XXYLT1: variants seen among roughly 807,000 people sequenced by gnomAD.
XXYLT1 encodes xyloside xylosyltransferase 1.
A neutral mutation model predicts 28.9 loss-of-function variants in XXYLT1; 20 were observed. That is an observed-to-expected ratio of 0.69 (90% CI 0.49 to 1.00). The LOEUF (loss-of-function observed/expected upper bound fraction) is 1.00, where lower values mean the gene tolerates loss of function less well. XXYLT1 is among the 50% of genes least tolerant of loss of function. The pLI is 0.00. For missense variants in XXYLT1, 542 were observed against 560.1 expected (o/e 0.97, Z 0.33); for synonymous variants, 257 against 253.8 (o/e 1.01, Z -0.12).
At chr3:195,122,060 C>T (rs1718386386) in intron 3 of XXYLT1, 1 of 702,912 alleles carries the variant, frequency 1.4e-6, no homozygotes, top group Non-Finnish European at 2.6e-6. Context: ...GACCAACGTG[C>T]CCACTGATTC....
intron 3 of XXYLT1, among the ~76,000 whole-genome samples, chr3:195,126,461 A>C (rs1267832865): frequency 6.6e-6 from 1 of 152,204 alleles, no homozygotes; most frequent in African/African-American, 2.4e-5. Context: ...AGAGCATTGT[A>C]CCAAGCACTG....
chr3:195,202,377 C>A (rs866016702), intron 2 of XXYLT1, among the ~76,000 whole-genome samples: 11 of 129,316 alleles, frequency 8.5e-5, no homozygotes, highest in South Asian at 2.7e-4. Context: ...GCAATATTAT[C>A]TTAAAGAGAC....
intron 1 of XXYLT1, among the ~76,000 whole-genome samples, chr3:195,261,015 C>T (rs1344061322): frequency 6.6e-6 from 1 of 152,224 alleles, no homozygotes; most frequent in Non-Finnish European, 1.5e-5. Flanking sequence ...TAGCGGGGTC[C>T]TGAAGTGCCT....
rs1265838027 is a variant in XXYLT1 at position 195,077,714 on chromosome 3, C to T, written c.786-7603G>A. ...ACCTGGTGCAGGGCAGCCCTTCAGC[C>T]CCCTGCAGGCGTCCGTTTCTCCAGA... On this transcript the variant is annotated intron_variant, in intron 3 of 3. Transcript: ENST00000310380. The surrounding 1 kb of genome is among the most constrained non-coding windows in gnomAD (Gnocchi z 4.8). Among the ~76,000 whole-genome samples, 1 of 152,200 alleles carries T rather than the reference C, an allele frequency of 6.6e-6. No homozygotes were observed. The highest frequency in any genetic ancestry group is 1.5e-5 in the Non-Finnish European group (1 of 68,012).
intron 2 of XXYLT1, among the ~76,000 whole-genome samples, chr3:195,202,509 A>C (rs1722904056): frequency 6.6e-6 from 1 of 152,130 alleles, no homozygotes; most frequent in Admixed American, 6.5e-5. Flanking sequence ...CATGCTGTCC[A>C]ATATTATCCA....
At chr3:195,097,693 G>A (rs893955389) in intron 3 of XXYLT1, among the ~76,000 whole-genome samples, 1 of 152,144 alleles carries the variant, frequency 6.6e-6, no homozygotes, top group East Asian at 1.9e-4. Flanking sequence ...AGTGCATGGC[G>A]AGCACCCTGT....
intron 2 of XXYLT1, among the ~76,000 whole-genome samples, chr3:195,198,894 A>C (rs1277188195): frequency 6.6e-6 from 1 of 152,230 alleles, no homozygotes; most frequent in Non-Finnish European, 1.5e-5. Context: ...AAACGCAGAC[A>C]AGAGTGGCAG....
chr3:195,210,506 G>A lies in XXYLT1; in HGVS notation c.652+16203C>T, dbSNP rs1723268535. Among the ~76,000 whole-genome samples, 1 of 152,196 alleles carries A rather than the reference G, an allele frequency of 6.6e-6. No homozygotes were observed. Among genetic ancestry groups the A allele is most frequent in the Non-Finnish European group, 1.5e-5 (1 of 68,040 alleles). On this transcript the variant is annotated intron_variant, in intron 2 of 3. Transcript: ENST00000310380. This position sits in a 1 kb window ranked among gnomAD's most constrained non-coding sequence, Gnocchi z 4.8. ...GCTGATGCCTTTGACCGATAGCCAA[G>A]AATTTAAAAGAAGATCTTGACAAAT... is the stretch of plus-strand genomic sequence containing the variant.
At position 195,209,375 on chromosome 3, in the gene XXYLT1, A is replaced by G. The variant is rs966028010; in HGVS notation, c.652+17334T>C. On this transcript the variant is annotated intron_variant, in intron 2 of 3. Transcript: ENST00000310380. This position sits in a 1 kb window ranked among gnomAD's most constrained non-coding sequence, Gnocchi z 5.0. ...TCCGCTGCTGCGTGCTCCTGTCCACACAGGGTGGGAATCCTCCTCACCCCC... is the reference window on the plus strand; with the variant it reads ...TCCGCTGCTGCGTGCTCCTGTCCACGCAGGGTGGGAATCCTCCTCACCCCC... 2 of 152,332 alleles carry G rather than the reference A, an allele frequency of 1.3e-5. No homozygotes were observed. The highest frequency in any genetic ancestry group is 1.9e-4 in the East Asian group (1 of 5,202). 9.4% of individuals were successfully genotyped at this position (152,332 alleles called of 1,614,324 possible).
chr3:195,270,900 C>T lies in XXYLT1; in HGVS notation c.159G>A (p.Lys53=), dbSNP rs766844637. 219 of 1,474,962 alleles carry T rather than the reference C, an allele frequency of 1.5e-4. 2 individuals are homozygous for T. The African/African-American group carries it at 2.2e-3, about 15-fold the overall frequency. The allele number at this position is 1,474,962 out of a possible 1,614,324, so 91.4% of individuals were successfully genotyped here. ...SGRETFSSAT[K]RLKEARAGAP... is the part of the protein sequence containing the mutation. ...CCCCGGCGCGGGCCTCCTTCAGCCTCTTGGTGGCGCTGGAGAAGGTCTCCC... is the reference window on the plus strand; with the variant it reads ...CCCCGGCGCGGGCCTCCTTCAGCCTTTTGGTGGCGCTGGAGAAGGTCTCCC... Residue 53 remains lysine (K), a synonymous_variant, in exon 1 of 4, where the codon AAG becomes AAA. Transcript: ENST00000310380.
In XXYLT1 at chr3:195,078,324, C is replaced by G. The variant is rs950541698; in HGVS notation, c.786-8213G>C. On this transcript the variant is annotated intron_variant, in intron 3 of 3. Transcript: ENST00000310380. The surrounding 1 kb of genome is among the most constrained non-coding windows in gnomAD (Gnocchi z 5.0). ...AGGAAGATGCAGGGCGTTGGAGGAC[C>G]CCGGCCACCTGTCCCTCACACTGAC... Among the ~76,000 whole-genome samples the G allele has an allele frequency of 6.6e-6, 1 of 152,006 alleles. No individual in the cohort carries two copies. Among genetic ancestry groups the G allele is most frequent in the Non-Finnish European group, 1.5e-5 (1 of 68,000 alleles).
At chr3:195,166,952 C>T (rs1421908896) in intron 2 of XXYLT1, among the ~76,000 whole-genome samples, 1 of 152,182 alleles carries the variant, frequency 6.6e-6, no homozygotes, top group Non-Finnish European at 1.5e-5. Flanking sequence ...GCTGGGATTA[C>T]AGGCGTGAGC....
intron 3 of XXYLT1, among the ~76,000 whole-genome samples, chr3:195,092,222 T>TCAATCCTAAGCCAAAAGAA (rs1199669484): frequency 2.1e-5 from 3 of 140,594 alleles, no homozygotes; most frequent in Admixed American, 7.2e-5. Flanking sequence ...CATCGCCAAG[T>TCAATCCTAAGCCAAAAGAA]CAATCCTAAG....
intron 2 of XXYLT1, among the ~76,000 whole-genome samples, chr3:195,202,871 T>C (rs1722917286): frequency 6.6e-6 from 1 of 152,226 alleles, no homozygotes; most frequent in African/African-American, 2.4e-5. Context: ...CAATTCACAA[T>C]GTAGAAATCA....
chr3:195,132,548 T>C (rs1718956255), intron 3 of XXYLT1, among the ~76,000 whole-genome samples: 1 of 152,220 alleles, frequency 6.6e-6, no homozygotes, highest in Non-Finnish European at 1.5e-5. Context: ...CAGTTGTTAT[T>C]ATTACAAACT....
chr3:195,260,768 C>T (rs1455959755), intron 1 of XXYLT1, among the ~76,000 whole-genome samples: 1 of 152,218 alleles, frequency 6.6e-6, no homozygotes, highest in Non-Finnish European at 1.5e-5. Flanking sequence ...CTTTCTGGCC[C>T]AGGGTATCAG....
At position 195,209,481 on chromosome 3, in the gene XXYLT1, C is replaced by A. The variant is rs1464442688; in HGVS notation, c.652+17228G>T. 6.6e-6 allele frequency: 1 copy of A among 152,292 alleles called. No homozygotes were observed. The highest frequency in any genetic ancestry group is 2.1e-4 in the South Asian group (1 of 4,836). The allele number at this position is 152,292 out of a possible 1,614,324, so 9.4% of individuals were successfully genotyped here. The stretch of plus-strand genomic sequence containing the variant: ...CAGCCACATCAGGCCCGACTTAGGA[C>A]CCTCTGGGACCTTTACAACCCCAGA... On this transcript the variant is annotated intron_variant, in intron 2 of 3. Coordinates refer to ENST00000310380, the MANE Select transcript of XXYLT1 (RefSeq NM_152531.5). The surrounding 1 kb of genome is among the most constrained non-coding windows in gnomAD (Gnocchi z 5.0).
intron 2 of XXYLT1, among the ~76,000 whole-genome samples, chr3:195,185,821 T>C (rs1257412453): frequency 6.6e-6 from 1 of 152,134 alleles, no homozygotes; most frequent in Non-Finnish European, 1.5e-5. Flanking sequence ...TCTACATACC[T>C]GGACACTCCC....
At chr3:195,181,946 A>T (rs1380024834) in intron 2 of XXYLT1, among the ~76,000 whole-genome samples, 3 of 152,158 alleles carry the variant, frequency 2.0e-5, no homozygotes, top group Non-Finnish European at 4.4e-5. Context: ...TACTACAAAC[A>T]CACTTTCTAT....
Sources: allele counts gnomAD v4.1 joint callset (sites outside exome capture counted in the v4.1 genomes callset), GRCh38; gene constraint gnomAD v4.1.1; non-coding constraint Gnocchi (gnomAD v3.1); transcripts MANE v1.5; gene names NCBI Gene and HGNC (gene_info 2026-07-23, HGNC 2026-07-21).